The following GFPT2 variants were observed in gnomAD, a reference collection of about 807,000 sequenced individuals.
GFPT2 encodes glutamine--fructose-6-phosphate transaminase 2, also known as glutamine--fructose-6-phosphate aminotransferase [isomerizing] 2.
Under a neutral mutation model 85.6 loss-of-function variants are expected in GFPT2, and 62 were observed. The ratio of observed to expected loss-of-function variants is 0.72; its 90% CI spans 0.59 to 0.90. The LOEUF is 0.90. Among genes scored for constraint, GFPT2 ranks in the 40% least tolerant of loss-of-function variants. The pLI is 0.00. For synonymous variants in GFPT2, 368 were observed against 344.5 expected, an observed-to-expected ratio of 1.07 and a Z score of -0.75; for missense variants, 788 against 893.4, an observed-to-expected ratio of 0.88 and a Z score of 1.50.
At chr5:180,348,449 G>A (rs980657256) in intron 1 of GFPT2, among the ~76,000 whole-genome samples, 5 of 152,366 alleles carry the variant, frequency 3.3e-5, no homozygotes, top group African/African-American at 9.6e-5. Flanking sequence ...GACAATTCCT[G>A]CCACCTCCTT....
chr5:180,333,183 C>T (rs1223278852), intron 4 of GFPT2, among the ~76,000 whole-genome samples: 1 of 152,086 alleles, frequency 6.6e-6, no homozygotes, highest in Admixed American at 6.6e-5. Context: ...ACTGGCTCCA[C>T]GTCCATCCCC....
rs568549305 is a variant in GFPT2 at position 180,301,554 on chromosome 5, G to A, written c.*10C>T. 60 of 1,608,384 alleles carry A rather than the reference G, an allele frequency of 3.7e-5. No homozygotes were observed. Among genetic ancestry groups the A allele is most frequent in the Middle Eastern group, 1.6e-4 (1 of 6,068 alleles). On this transcript the variant is annotated 3_prime_UTR_variant, in exon 19 of 19. Coordinates refer to ENST00000253778, the MANE Select transcript of GFPT2 (RefSeq NM_005110.4). Reference sequence around the variant, plus strand: ...TGAAAGGTGGTGATGGTCTTGTCACGGTCTCAGCCTCATTCCACAGTTACA... The same window carrying A: ...TGAAAGGTGGTGATGGTCTTGTCACAGTCTCAGCCTCATTCCACAGTTACA...
intron 1 of GFPT2, 104 bp from the exon 2 acceptor site, chr5:180,338,704 A>G: frequency 7.6e-6 from 5 of 661,138 alleles, no homozygotes; most frequent in Non-Finnish European, 1.3e-5. Context: ...AAGGTCTCCC[A>G]GGGGCTTGCA....
chr5:180,328,281 TG>T lies in GFPT2; in HGVS notation c.591del (p.Thr198HisfsTer34). 1 of 1,608,816 alleles carries T rather than the reference TG, an allele frequency of 6.2e-7. No homozygotes were observed. Among genetic ancestry groups the T allele is most frequent in the Non-Finnish European group, 8.5e-7 (1 of 1,175,142 alleles). ...TGCCAGTGTGTTTTGCCTCACCGTG[TG>T]GCAACGGCTTCTCCTGGGTAGTGGA... is the stretch of plus-strand genomic sequence containing the variant. ...KSVHYPGEAVATRRGSPLLIG... is the reference protein window; with the variant it reads ...KSVHYPGEAVXTRRGSPLLIG... On this transcript the variant is annotated frameshift_variant, in exon 7 of 19. Coordinates refer to ENST00000253778, the MANE Select transcript of GFPT2 (RefSeq NM_005110.4). LOFTEE classifies it high-confidence loss of function. This position sits in a 1 kb window ranked among gnomAD's most constrained non-coding sequence, Gnocchi z 5.4.
chr5:180,349,960 C>T (rs1045888252), intron 1 of GFPT2, among the ~76,000 whole-genome samples: 4 of 151,762 alleles, frequency 2.6e-5, no homozygotes, highest in African/African-American at 9.7e-5. Context: ...GGATGGGAAG[C>T]GCAAATCCTT....
At chr5:180,307,637 C>T (rs1763806736) in intron 15 of GFPT2, among the ~76,000 whole-genome samples, 1 of 152,320 alleles carries the variant, frequency 6.6e-6, no homozygotes, top group South Asian at 2.1e-4. Context: ...CACCAGTTAA[C>T]ACCCCTCTTT....
chr5:180,316,647 TGGGAATGGGTACAA>T (rs746729635), intron 12 of GFPT2, 103 bp downstream of exon 12: 6 of 904,506 alleles, frequency 6.6e-6, no homozygotes, highest in Non-Finnish European at 8.5e-6. Context: ...CGCTAGCTCA[TGGGAATGGGTACAA>T]GGGCTTAGCC....
rs1433925369 is a variant in GFPT2, at chr5:180,307,232, A to ATC, written c.1616_1617dup (p.Ser540AspfsTer5). The ATC allele has an allele frequency of 6.2e-7, 1 of 1,613,214 alleles. No homozygotes were observed. Among genetic ancestry groups the ATC allele is most frequent in the Non-Finnish European group, 8.5e-7 (1 of 1,179,698 alleles). On this transcript the variant is annotated frameshift_variant, in exon 16 of 19. Coordinates refer to ENST00000253778, the MANE Select transcript of GFPT2 (RefSeq NM_005110.4). LOFTEE classifies it high-confidence loss of function. Reference sequence around the variant, plus strand: ...TAGCCCCGCCCCATCACCAGCAGCGATCTCTGCGTGTAGAGCTCCAGGGCC... The same window carrying ATC: ...TAGCCCCGCCCCATCACCAGCAGCGATCTCTCTGCGTGTAGAGCTCCAGGGCC...
chr5:180,304,617 G>C (rs1351982593), intron 17 of GFPT2, among the ~76,000 whole-genome samples, 155 bp downstream of exon 17: 1 of 152,232 alleles, frequency 6.6e-6, no homozygotes, highest in Non-Finnish European at 1.5e-5. Flanking sequence ...CTTTCCAAGT[G>C]TGTGCACTCC....
At chr5:180,349,035 C>T (rs1375480214) in intron 1 of GFPT2, among the ~76,000 whole-genome samples, 5 of 151,928 alleles carry the variant, frequency 3.3e-5, no homozygotes, top group Admixed American at 6.6e-5. Context: ...TCCCCGTGCC[C>T]GGCCATTTCT....
At chr5:180,306,430 G>A (rs771107014) in intron 16 of GFPT2, among the ~76,000 whole-genome samples, 2 of 152,216 alleles carry the variant, frequency 1.3e-5, no homozygotes, top group African/African-American at 2.4e-5. Context: ...CATCTGCTCC[G>A]TGCATGGCAT....
intron 1 of GFPT2, among the ~76,000 whole-genome samples, chr5:180,346,174 G>GTT (rs1344964689): frequency 7.9e-5 from 12 of 152,116 alleles, no homozygotes; most frequent in Admixed American, 2.6e-4. Flanking sequence ...AGAGACTGTG[G>GTT]TTCCCAGGGA....
At chr5:180,322,904 C>T (rs533953787) in intron 9 of GFPT2, among the ~76,000 whole-genome samples, 3 of 151,798 alleles carry the variant, frequency 2.0e-5, no homozygotes, top group South Asian at 2.1e-4. Context: ...GGCGTGGTGG[C>T]GGGCACCTGT....
chr5:180,307,244 A>G lies in GFPT2; in HGVS notation c.1606T>C (p.Tyr536His). 4 of 1,613,498 alleles carry G rather than the reference A, an allele frequency of 2.5e-6. No individual in the cohort carries two copies. The highest frequency in any genetic ancestry group is 3.4e-6 in the Non-Finnish European group (4 of 1,179,586). Reference sequence around the variant, plus strand: ...ATCACCAGCAGCGATCTCTGCGTGTAGAGCTCCAGGGCCAAGTCGTGGATC... The same window carrying G: ...ATCACCAGCAGCGATCTCTGCGTGTGGAGCTCCAGGGCCAAGTCGTGGATC... Reference protein sequence around the residue: ...EKIHDLALELYTQRSLLVMGR... With the variant: ...EKIHDLALELHTQRSLLVMGR... Residue 536 changes from tyrosine (Y) to histidine (H), a missense_variant, in exon 16 of 19, where the codon TAC (tyrosine) becomes CAC (histidine). By Grantham distance (83) the Tyr-to-His change is moderately conservative. Transcript: ENST00000253778.
chr5:180,326,683 G>A (rs191219915), intron 7 of GFPT2, among the ~76,000 whole-genome samples: 1 of 152,256 alleles, frequency 6.6e-6, no homozygotes, highest in East Asian at 1.9e-4. Context: ...AGCATAAATA[G>A]TTTATAATAA....
chr5:180,302,307 T>C (rs1227014191), intron 18 of GFPT2, 116 bp downstream of exon 18: 6 of 720,296 alleles, frequency 8.3e-6, no homozygotes, highest in South Asian at 2.5e-5. Flanking sequence ...AAAAGAAAGC[T>C]ACTTTAAATA....
At chr5:180,311,571 T>C (rs1333439770) in intron 15 of GFPT2, among the ~76,000 whole-genome samples, 1 of 152,218 alleles carries the variant, frequency 6.6e-6, no homozygotes, top group Non-Finnish European at 1.5e-5. Context: ...CCATTTGCTC[T>C]TTCTCGAGTA....
intron 6 of GFPT2, among the ~76,000 whole-genome samples, chr5:180,329,082 C>T (rs1261003896): frequency 6.6e-6 from 1 of 152,252 alleles, no homozygotes; most frequent in Non-Finnish European, 1.5e-5. Context: ...TCTTCCCCCA[C>T]GTCCTGACCA....
In GFPT2 at chr5:180,312,494, A is replaced by C. The variant is rs769132046; in HGVS notation, c.1482T>G (p.Ser494=). The C allele has an allele frequency of 6.2e-7, 1 of 1,611,998 alleles. No homozygotes were observed. Among genetic ancestry groups the C allele is most frequent in the Admixed American group, 1.7e-5 (1 of 60,026 alleles). The change falls in exon 15 of 19, where the codon TCT becomes TCG. Residue 494 remains serine (S), a synonymous_variant. Coordinates refer to ENST00000253778, the MANE Select transcript of GFPT2 (RefSeq NM_005110.4). ...ISLVMFGLMM[S]EDRISLQNRR... ...TGTTTTGTAGTGAAATTCGGTCTTC[A>C]GACATCATCAAACCAAACATCACCA...
Sources: allele counts gnomAD v4.1 joint callset (sites outside exome capture counted in the v4.1 genomes callset), GRCh38; gene constraint gnomAD v4.1.1; non-coding constraint Gnocchi (gnomAD v3.1); transcripts MANE v1.5; gene names NCBI Gene and HGNC (gene_info 2026-07-23, HGNC 2026-07-21).